The following CDO1 variants were observed in gnomAD, a reference collection of about 807,000 sequenced individuals.
The protein encoded by CDO1 is cysteine dioxygenase type 1.
A neutral mutation model predicts 24.5 loss-of-function variants in CDO1; 19 were observed. That is an observed-to-expected ratio of 0.77 (90% CI 0.54 to 1.14). The LOEUF is 1.14. CDO1 is among the 50% of genes most tolerant of loss of function. CDO1 has a pLI of 0.00. For synonymous variants in CDO1, 91 were observed against 87.0 expected (o/e 1.05, Z -0.26); for missense variants, 244 against 244.8 (o/e 1.00, Z 0.02).
chr5:115,813,909 A>G (rs1248138567), intron 1 of CDO1: 1 of 152,820 alleles, frequency 6.5e-6, no homozygotes, highest in African/African-American at 2.4e-5. Context: ...ACAACCAACC[A>G]CCACCACTGC....
intron 1 of CDO1, chr5:115,814,033 T>C (rs901589336): frequency 6.6e-6 from 1 of 152,300 alleles, no homozygotes; most frequent in Non-Finnish European, 1.5e-5. Context: ...TAGCAAAGTT[T>C]CATAATTATG....
At chr5:115,805,596 G>A (rs551300533) in intron 4 of CDO1, 134 bp from the exon 5 acceptor site, 55 of 720,340 alleles carry the variant, frequency 7.6e-5, no homozygotes, top group African/African-American at 5.0e-4. Context: ...TGTTTTTCCC[G>A]CAATAAGAAT....
intron 3 of CDO1, among the ~76,000 whole-genome samples, chr5:115,810,218 C>T (rs750718087): frequency 2.7e-4 from 41 of 152,262 alleles, no homozygotes; most frequent in Middle Eastern, 3.4e-3. Context: ...ATCAGAGCTT[C>T]CTGCCACATA....
chr5:115,805,379 C>A lies in CDO1; in HGVS notation c.*54G>T. ...GCACGTGGTAGGTAGCCTTTTTGTC[C>A]AAGGCAAACATACAGCGAACCTTAA... On this transcript the variant is annotated 3_prime_UTR_variant, in exon 5 of 5. Coordinates refer to ENST00000250535, the MANE Select transcript of CDO1 (RefSeq NM_001801.3). The A allele has an allele frequency of 6.5e-7, 1 of 1,546,924 alleles. No individual in the cohort carries two copies. Among genetic ancestry groups the A allele is most frequent in the South Asian group, 1.1e-5 (1 of 87,474 alleles).
rs956308466 is a variant in CDO1, at chr5:115,805,170, T to C, written c.*263A>G. 5.1e-6 allele frequency: 2 copies of C among 390,600 alleles called. No individual in the cohort carries two copies. Among genetic ancestry groups the C allele is most frequent in the Non-Finnish European group, 9.1e-6 (2 of 220,582 alleles). 24.2% of individuals were successfully genotyped at this position (390,600 alleles called of 1,614,324 possible). ...CGCTCCTAGTATGGATTTAATGGAA[T>C]TAGAGGATAGAACTATGAGAGCACT... On this transcript the variant is annotated 3_prime_UTR_variant, in exon 5 of 5. Coordinates refer to ENST00000250535, the MANE Select transcript of CDO1 (RefSeq NM_001801.3).
At position 115,811,318 on chromosome 5, in the gene CDO1, A is replaced by G. The variant is rs370332193; in HGVS notation, c.249-3T>C. ...AGTTGGTATGATCATGAATACTGCT[A>G]TATGTACACAAAATGACAACTGAAC... On this transcript the variant is annotated splice_region_variant and splice_polypyrimidine_tract_variant and intron_variant, in intron 2 of 4. Transcript: ENST00000250535. The G allele has an allele frequency of 7.1e-5, 114 of 1,609,186 alleles. No individual in the cohort carries two copies. The highest frequency in any genetic ancestry group is 4.9e-4 in the Middle Eastern group (3 of 6,074).
At chr5:115,813,304 A>G in intron 1 of CDO1, 46 bp from the exon 2 acceptor site, 1 of 1,043,248 alleles carries the variant, frequency 9.6e-7, no homozygotes, top group Admixed American at 1.8e-5. Flanking sequence ...CGTTGCTGAA[A>G]CAAGCACTGG....
intron 2 of CDO1, 78 bp from the exon 3 acceptor site, chr5:115,811,393 T>C (rs1171802387): frequency 5.8e-6 from 6 of 1,027,852 alleles, no homozygotes; most frequent in Middle Eastern, 2.1e-4. Context: ...TTCCCAGAAC[T>C]GACACCTGCA....
intron 3 of CDO1, 65 bp from the exon 4 acceptor site, chr5:115,806,583 C>G: frequency 8.5e-7 from 1 of 1,176,400 alleles, no homozygotes; most frequent in South Asian, 1.4e-5. Flanking sequence ...GGTAAAATCT[C>G]TGTGAGTCAT....
intron 3 of CDO1, among the ~76,000 whole-genome samples, chr5:115,808,656 T>A (rs781026899): frequency 6.6e-6 from 1 of 152,042 alleles, no homozygotes; most frequent in Non-Finnish European, 1.5e-5. Context: ...GATCAACGAA[T>A]CTGTGCTGAA....
chr5:115,805,322 A>G lies in CDO1; in HGVS notation c.*111T>C. Reference sequence around the variant, plus strand: ...TAGCATCTGCCTTACAGTAGATCTAAGTATTGGCTTATTTAAGTATATTAC... The same window carrying G: ...TAGCATCTGCCTTACAGTAGATCTAGGTATTGGCTTATTTAAGTATATTAC... On this transcript the variant is annotated 3_prime_UTR_variant, in exon 5 of 5. Coordinates refer to ENST00000250535, the MANE Select transcript of CDO1 (RefSeq NM_001801.3). 1.1e-6 allele frequency: 1 copy of G among 876,546 alleles called. No individual in the cohort carries two copies. The allele number at this position is 876,546 out of a possible 1,614,324, so 54.3% of individuals were successfully genotyped here. A position where few individuals can be genotyped will look rare whatever the true frequency, so the allele number is the denominator to read the frequency against.
At chr5:115,809,335 G>C (rs1390268330) in intron 3 of CDO1, among the ~76,000 whole-genome samples, 2 of 152,082 alleles carry the variant, frequency 1.3e-5, no homozygotes, top group East Asian at 1.9e-4. Flanking sequence ...ATGAAGCAGA[G>C]TTAGGTCCAG....
intron 2 of CDO1, among the ~76,000 whole-genome samples, chr5:115,812,874 C>T (rs1760249125): frequency 6.6e-6 from 1 of 151,388 alleles, no homozygotes. Flanking sequence ...ATGGTGAAAC[C>T]CCATCTCTAC....
chr5:115,806,010 A>G (rs1759930528), intron 4 of CDO1, among the ~76,000 whole-genome samples: 1 of 152,234 alleles, frequency 6.6e-6, no homozygotes, highest in Non-Finnish European at 1.5e-5. Context: ...AAGGTTAATT[A>G]TGCAACTTAT....
intron 4 of CDO1, 77 bp from the exon 5 acceptor site, chr5:115,805,539 C>T: frequency 7.3e-7 from 1 of 1,377,912 alleles, no homozygotes; most frequent in East Asian, 2.3e-5. Context: ...AATAGTTCTG[C>T]TTTTGTAGCA....
chr5:115,805,369 C>A lies in CDO1; in HGVS notation c.*64G>T, dbSNP rs1225464245. 3 of 1,423,152 alleles carry A rather than the reference C, an allele frequency of 2.1e-6. No homozygotes were observed. The highest frequency in any genetic ancestry group is 2.3e-5 in the East Asian group (1 of 43,966). 88.2% of individuals were successfully genotyped at this position (1,423,152 alleles called of 1,614,324 possible). On this transcript the variant is annotated 3_prime_UTR_variant, in exon 5 of 5. Transcript: ENST00000250535. ...TTACTGGATAGCACGTGGTAGGTAGCCTTTTTGTCCAAGGCAAACATACAG... is the reference window on the plus strand; with the variant it reads ...TTACTGGATAGCACGTGGTAGGTAGACTTTTTGTCCAAGGCAAACATACAG...
At chr5:115,811,802 G>A (rs1190037162) in intron 2 of CDO1, among the ~76,000 whole-genome samples, 3 of 152,212 alleles carry the variant, frequency 2.0e-5, no homozygotes, top group Admixed American at 2.0e-4. Context: ...TCCTTCCTTT[G>A]GGGAGCTGTG....
Position 115,804,859 on chromosome 5 carries a change from T to C in CDO1, c.*574A>G, listed in dbSNP as rs900526644. ...GTTGTGGTCTGGGGATCATGTACTT[T>C]TCTAAATCCTCTGCACTTCCTTTCA... is the stretch of plus-strand genomic sequence containing the variant. On this transcript the variant is annotated 3_prime_UTR_variant, in exon 5 of 5. Transcript: ENST00000250535. The C allele has an allele frequency of 5.9e-5, 9 of 152,238 alleles. No individual in the cohort carries two copies. Among genetic ancestry groups the C allele is most frequent in the African/African-American group, 2.2e-4 (9 of 41,454 alleles). 9.4% of individuals were successfully genotyped at this position (152,238 alleles called of 1,614,324 possible).
rs1285448799 is a variant in CDO1, at chr5:115,806,419, T to C, written c.503A>G (p.Asp168Gly). ...TTTGTTTTTATGTCCTGTTCTTTGA[T>C]CAAAGGCATGGCATGTATCAAAAGG... The part of the protein sequence containing the change: ...SPPFDTCHAF[D>G]QRTGHKNKVT... The change falls in exon 4 of 5, where the codon GAT (aspartate) becomes GGT (glycine). Residue 168 changes from aspartate to glycine, a missense_variant. Physicochemically the swap from Asp to Gly is moderately conservative, Grantham distance 94 (BLOSUM62 -1). Coordinates refer to ENST00000250535, the MANE Select transcript of CDO1 (RefSeq NM_001801.3). 1 of 1,612,326 alleles carries C rather than the reference T, an allele frequency of 6.2e-7. No individual in the cohort carries two copies. The highest frequency in any genetic ancestry group is 1.3e-5 in the African/African-American group (1 of 74,868).
Sources: allele counts gnomAD v4.1 joint callset (sites outside exome capture counted in the v4.1 genomes callset), GRCh38; gene constraint gnomAD v4.1.1; transcripts MANE v1.5; gene names NCBI Gene and HGNC (gene_info 2026-07-23, HGNC 2026-07-21).